The following KIAA0319L variants were observed in gnomAD, a reference collection of about 807,000 sequenced individuals.
The protein encoded by KIAA0319L is KIAA0319 like.
Under a neutral mutation model 120.1 loss-of-function variants are expected in KIAA0319L, and 55 were observed. The ratio of observed to expected loss-of-function variants is 0.46; its 90% CI spans 0.37 to 0.57. The LOEUF is 0.57. Among genes scored for constraint, KIAA0319L ranks in the 20% least tolerant of loss-of-function variants. The pLI is 0.00. For missense variants in KIAA0319L, 1,049 were observed against 1,255.3 expected (o/e 0.84, Z 2.48); for synonymous variants, 398 against 471.9 (o/e 0.84, Z 2.03).
At chr1:35,515,522 A>C (rs1446973242) in intron 2 of KIAA0319L, among the ~76,000 whole-genome samples, 1 of 152,196 alleles carries the variant, frequency 6.6e-6, no homozygotes, top group Admixed American at 6.5e-5. Context: ...ATAAGAACAA[A>C]GATACAACAT....
intron 2 of KIAA0319L, among the ~76,000 whole-genome samples, chr1:35,545,891 C>T (rs1309710471): frequency 6.6e-6 from 1 of 151,484 alleles, no homozygotes; most frequent in African/African-American, 2.4e-5. Flanking sequence ...CAAGACTGTG[C>T]CTTGAAAAAA....
intron 3 of KIAA0319L, among the ~76,000 whole-genome samples, chr1:35,496,988 TTA>T (rs967506191): frequency 4.7e-5 from 7 of 149,806 alleles, no homozygotes; most frequent in African/African-American, 1.5e-4. Flanking sequence ...CTGGCATATG[TTA>T]TGACATGAAT....
At chr1:35,499,762 C>T (rs2148380566) in intron 3 of KIAA0319L, among the ~76,000 whole-genome samples, 1 of 146,380 alleles carries the variant, frequency 6.8e-6, no homozygotes, top group Non-Finnish European at 1.5e-5. Flanking sequence ...CAAAAACAAG[C>T]AAACAAGTAA....
In KIAA0319L at chr1:35,443,122, A is replaced by G; in HGVS notation, c.2657-94T>C. The G allele has an allele frequency of 4.8e-6, 7 of 1,462,538 alleles. 1 individual carries two copies. In the South Asian group the frequency reaches 8.4e-5, roughly 18 times the overall value. 90.6% of individuals were successfully genotyped at this position (1,462,538 alleles called of 1,614,324 possible). A position where few individuals can be genotyped will look rare whatever the true frequency, so the allele number is the denominator to read the frequency against. On this transcript the variant is annotated intron_variant, in intron 17 of 20. Transcript: ENST00000325722. ...CCATGAGGGCACCAAAGCACCCCAG[A>G]TTAATGCTATGTGGTGAAATGTCCT...
intron 18 of KIAA0319L, 53 bp downstream of exon 18, chr1:35,442,853 A>G: frequency 6.2e-7 from 1 of 1,611,824 alleles, no homozygotes; most frequent in East Asian, 2.2e-5. Context: ...CACTCAGTGC[A>G]GAACCACATT....
At chr1:35,532,284 C>G (rs988808361) in intron 2 of KIAA0319L, among the ~76,000 whole-genome samples, 7 of 151,072 alleles carry the variant, frequency 4.6e-5, no homozygotes, top group African/African-American at 1.5e-4. Context: ...TCTCTCAGTT[C>G]ACATGTTTAA....
At chr1:35,538,944 T>C (rs1646687290) in intron 2 of KIAA0319L, among the ~76,000 whole-genome samples, 2 of 152,110 alleles carry the variant, frequency 1.3e-5, no homozygotes, top group African/African-American at 2.4e-5. Flanking sequence ...TATCTCTAAC[T>C]GCACGGAAAC....
intron 2 of KIAA0319L, among the ~76,000 whole-genome samples, chr1:35,546,455 T>C (rs1646987685): frequency 6.6e-6 from 1 of 152,238 alleles, no homozygotes; most frequent in Non-Finnish European, 1.5e-5. Context: ...CAGACCTTAC[T>C]GAACTCAGAA....
At chr1:35,458,317 G>T (rs1462903109) in intron 9 of KIAA0319L, among the ~76,000 whole-genome samples, 1 of 152,098 alleles carries the variant, frequency 6.6e-6, no homozygotes, top group African/African-American at 2.4e-5. Flanking sequence ...AATGGCAGCT[G>T]CCCATTTTCT....
chr1:35,551,410 C>G (rs769003402), intron 2 of KIAA0319L, among the ~76,000 whole-genome samples: 1 of 152,078 alleles, frequency 6.6e-6, no homozygotes, highest in Non-Finnish European at 1.5e-5. Context: ...CCCCGCCTCC[C>G]GGGTTCAAGC....
At chr1:35,444,411 T>C in intron 16 of KIAA0319L, 108 bp from the exon 17 acceptor site, 1 of 1,061,244 alleles carries the variant, frequency 9.4e-7, no homozygotes. Flanking sequence ...TGCTAAGTGT[T>C]ACATGCATTC....
chr1:35,546,786 C>T (rs886531092), intron 2 of KIAA0319L, among the ~76,000 whole-genome samples: 2 of 152,038 alleles, frequency 1.3e-5, no homozygotes, highest in African/African-American at 4.8e-5. Context: ...CCTTCAACAA[C>T]CTTCTCTACT....
Position 35,500,111 on chromosome 1 carries a change from C to T in KIAA0319L, c.666+6501G>A, listed in dbSNP as rs546596661. On this transcript the variant is annotated intron_variant, in intron 3 of 20. Coordinates refer to ENST00000325722, the MANE Select transcript of KIAA0319L (RefSeq NM_024874.5). ...ATTGACTGGAAACAGGGAGACGATG[C>T]TGTTAGAGAGAACAACACTTCAGTC... Among the ~76,000 whole-genome samples the T allele has an allele frequency of 7.9e-5, 12 of 152,322 alleles. No homozygotes were observed. The South Asian group carries it at 1.9e-3, about 24-fold the overall frequency.
intron 2 of KIAA0319L, among the ~76,000 whole-genome samples, chr1:35,512,796 C>T (rs1645505873): frequency 6.9e-6 from 1 of 145,668 alleles, no homozygotes; most frequent in Non-Finnish European, 1.5e-5. Context: ...TTGCCTCACC[C>T]AGGAGGTGGA....
chr1:35,507,385 C>A (rs560034222), intron 2 of KIAA0319L, among the ~76,000 whole-genome samples: 1 of 152,020 alleles, frequency 6.6e-6, no homozygotes, highest in African/African-American at 2.4e-5. Context: ...GCCATGGAGA[C>A]CTTTTACACA....
intron 2 of KIAA0319L, among the ~76,000 whole-genome samples, chr1:35,514,782 A>G (rs1645612901): frequency 6.6e-6 from 1 of 152,224 alleles, no homozygotes; most frequent in East Asian, 1.9e-4. Flanking sequence ...ACTCCCACAC[A>G]ATAACAGTGG....
At chr1:35,472,485 T>G (rs1643683699) in intron 5 of KIAA0319L, among the ~76,000 whole-genome samples, 1 of 151,840 alleles carries the variant, frequency 6.6e-6, no homozygotes, top group Non-Finnish European at 1.5e-5. Flanking sequence ...ATAAACAGAG[T>G]TTCACCATGT....
intron 2 of KIAA0319L, among the ~76,000 whole-genome samples, chr1:35,535,328 C>A (rs924384910): frequency 2.6e-5 from 4 of 152,114 alleles, no homozygotes; most frequent in African/African-American, 9.7e-5. Context: ...ACATGTCCCT[C>A]ATAACATTGA....
chr1:35,529,969 A>G (rs1239882380), intron 2 of KIAA0319L, among the ~76,000 whole-genome samples: 9 of 147,154 alleles, frequency 6.1e-5, no homozygotes, highest in Non-Finnish European at 1.2e-4. Flanking sequence ...ATGGTATCCT[A>G]TATGTCACAA....
Sources: allele counts gnomAD v4.1 joint callset (sites outside exome capture counted in the v4.1 genomes callset), GRCh38; gene constraint gnomAD v4.1.1; transcripts MANE v1.5; gene names NCBI Gene and HGNC (gene_info 2026-07-23, HGNC 2026-07-21).